The following GPC5 variants were observed in gnomAD, a reference collection of about 807,000 sequenced individuals.
The protein encoded by GPC5 is glypican-5.
A neutral mutation model predicts 53.9 loss-of-function variants in GPC5; 47 were observed. The observed-to-expected ratio is 0.87, with a 90% CI of 0.69 to 1.11. The LOEUF is 1.11. GPC5 is among the 50% of genes most tolerant of loss of function. The probability of loss-of-function intolerance (pLI) is 0.00; values close to 1 mark genes in which losing one functional copy is unlikely to be tolerated. For missense variants in GPC5, 748 were observed against 713.1 expected, an observed-to-expected ratio of 1.05 and a Z score of -0.56; for synonymous variants, 286 against 263.3, an observed-to-expected ratio of 1.09 and a Z score of -0.84.
intron 7 of GPC5, among the ~76,000 whole-genome samples, chr13:92,562,547 G>T (rs1449101505): frequency 1.3e-5 from 2 of 152,062 alleles, no homozygotes; most frequent in African/African-American, 4.8e-5. Flanking sequence ...GAAATACTCT[G>T]TCTGTTAATA....
chr13:92,413,792 G>A (rs1219710028), intron 7 of GPC5, among the ~76,000 whole-genome samples: 3 of 152,206 alleles, frequency 2.0e-5, no homozygotes, highest in Non-Finnish European at 4.4e-5. Context: ...GTTTACCTTT[G>A]CAAAAGCAGG....
intron 5 of GPC5, among the ~76,000 whole-genome samples, chr13:91,897,639 A>G (rs1189688644): frequency 6.6e-6 from 1 of 152,186 alleles, no homozygotes; most frequent in African/African-American, 2.4e-5. Context: ...TGAAAATTAC[A>G]TCTGTAAAAC....
In GPC5 at chr13:92,591,003, C is replaced by G. The variant is rs184017042; in HGVS notation, c.1562-275279C>G. ...TGAAATATAGAACTATGTAGCAGGA[C>G]CCCATAAGACAACTAATGCTAAAAT... On this transcript the variant is annotated intron_variant, in intron 7 of 7. Coordinates refer to ENST00000377067, the MANE Select transcript of GPC5 (RefSeq NM_004466.6). Among the ~76,000 whole-genome samples the G allele has an allele frequency of 1.2e-3, 188 of 152,106 alleles. 2 individuals are homozygous for G. Among genetic ancestry groups the G allele is most frequent in the Non-Finnish European group, 1.2e-3 (82 of 68,012 alleles).
rs913896319 is a variant in GPC5, at chr13:91,552,407, A to T, written c.325+103485A>T. 7.9e-5 allele frequency among the ~76,000 whole-genome samples: 12 copies of T among 152,034 alleles called. 1 individual carries two copies. Among genetic ancestry groups the T allele is most frequent in the Non-Finnish European group, 1.8e-4 (12 of 67,960 alleles). On this transcript the variant is annotated intron_variant, in intron 2 of 7. Coordinates refer to ENST00000377067, the MANE Select transcript of GPC5 (RefSeq NM_004466.6). ...GGAGACTCTAACCCAGTGGCGCTAGAGGAATTAAAGACACACACACAGAAA... is the reference window on the plus strand; with the variant it reads ...GGAGACTCTAACCCAGTGGCGCTAGTGGAATTAAAGACACACACACAGAAA...
intron 7 of GPC5, among the ~76,000 whole-genome samples, chr13:92,370,601 A>G (rs2043642270): frequency 6.6e-6 from 1 of 151,982 alleles, no homozygotes. Flanking sequence ...TGAAAAATTA[A>G]CTCAGAGTCA....
intron 6 of GPC5, among the ~76,000 whole-genome samples, chr13:91,971,053 C>G (rs1208443215): frequency 6.6e-6 from 1 of 152,198 alleles, no homozygotes; most frequent in African/African-American, 2.4e-5. Context: ...ACCAGCTCCT[C>G]CTTGTACCTC....
intron 7 of GPC5, among the ~76,000 whole-genome samples, chr13:92,779,018 C>A (rs1276637175): frequency 6.6e-6 from 1 of 151,952 alleles, no homozygotes; most frequent in Admixed American, 6.6e-5. Flanking sequence ...CATATATACA[C>A]TATGCCTCTG....
At chr13:92,507,785 T>C (rs993614621) in intron 7 of GPC5, among the ~76,000 whole-genome samples, 6 of 152,110 alleles carry the variant, frequency 3.9e-5, no homozygotes, top group African/African-American at 1.4e-4. Flanking sequence ...ATAAAATATA[T>C]CCTGCACAAG....
chr13:92,541,301 T>C (rs1881923197), intron 7 of GPC5, among the ~76,000 whole-genome samples: 1 of 151,878 alleles, frequency 6.6e-6, no homozygotes. Flanking sequence ...TTTGTATCTA[T>C]GCAATACTTT....
At chr13:92,546,240 A>G (rs529312852) in intron 7 of GPC5, among the ~76,000 whole-genome samples, 27 of 152,318 alleles carry the variant, frequency 1.8e-4, no homozygotes, top group East Asian at 5.8e-4. Context: ...GCATTTGCAG[A>G]TGACATGATT....
chr13:92,817,902 G>GA (rs1274639051), intron 7 of GPC5, among the ~76,000 whole-genome samples: 3 of 151,536 alleles, frequency 2.0e-5, no homozygotes, highest in African/African-American at 4.9e-5. Flanking sequence ...TATTCTGAAT[G>GA]AAAAAATAAA....
intron 6 of GPC5, among the ~76,000 whole-genome samples, chr13:92,072,491 T>A (rs2041220705): frequency 1.3e-5 from 2 of 151,502 alleles, no homozygotes; most frequent in Admixed American, 6.6e-5. Flanking sequence ...GGTCTCGAAC[T>A]CCTGACCTTG....
At chr13:92,406,942 A>AT (rs1328377389) in intron 7 of GPC5, among the ~76,000 whole-genome samples, 1 of 152,156 alleles carries the variant, frequency 6.6e-6, no homozygotes, top group Non-Finnish European at 1.5e-5. Flanking sequence ...CTCTTTGCAG[A>AT]TTTTTTTAAA....
chr13:92,076,715 A>G (rs1368806592), intron 6 of GPC5, among the ~76,000 whole-genome samples: 1 of 152,136 alleles, frequency 6.6e-6, no homozygotes, highest in Non-Finnish European at 1.5e-5. Context: ...ATTATGTGAC[A>G]AAGAAGAAAG....
At chr13:92,237,968 C>T (rs771929146) in intron 7 of GPC5, among the ~76,000 whole-genome samples, 11 of 151,844 alleles carry the variant, frequency 7.2e-5, no homozygotes, top group Non-Finnish European at 1.3e-4. Flanking sequence ...AAATTTCATC[C>T]ATGCTGTAAC....
chr13:92,694,059 T>A (rs1887490431), intron 7 of GPC5, among the ~76,000 whole-genome samples: 1 of 151,952 alleles, frequency 6.6e-6, no homozygotes, highest in Non-Finnish European at 1.5e-5. Context: ...TGCTTCAGAG[T>A]GTGCAAGACC....
chr13:92,052,750 A>G (rs1247706693), intron 6 of GPC5, among the ~76,000 whole-genome samples: 1 of 152,186 alleles, frequency 6.6e-6, no homozygotes. Context: ...TTCACCTCTC[A>G]GTAGGACAGA....
At chr13:91,515,331 T>A (rs1006505616) in intron 2 of GPC5, among the ~76,000 whole-genome samples, 8 of 152,182 alleles carry the variant, frequency 5.3e-5, no homozygotes, top group African/African-American at 1.9e-4. Context: ...AAAAACTAAA[T>A]GTACATTTTT....
Position 91,484,712 on chromosome 13 carries a change from C to A in GPC5, c.325+35790C>A, listed in dbSNP as rs538706287. Among the ~76,000 whole-genome samples, 139 of 152,204 alleles carry A rather than the reference C, an allele frequency of 9.1e-4. 1 individual carries two copies. Among genetic ancestry groups the A allele is most frequent in the African/African-American group, 3.3e-3 (137 of 41,534 alleles). On this transcript the variant is annotated intron_variant, in intron 2 of 7. Transcript: ENST00000377067. Reference sequence around the variant, plus strand: ...ACATATTTTGTTGGAAAGTTTATAACTTTTAGTTTTAAAATAGTGGAGATA... The same window carrying A: ...ACATATTTTGTTGGAAAGTTTATAAATTTTAGTTTTAAAATAGTGGAGATA...
Sources: gnomAD v4.1 joint callset for allele counts (sites outside exome capture counted in the v4.1 genomes callset) on GRCh38, gnomAD v4.1.1 for gene constraint, MANE v1.5 for transcripts, NCBI Gene and HGNC (gene_info 2026-07-23, HGNC 2026-07-21) for gene names.